The following MRPS27 variants were observed in gnomAD, a reference collection of about 807,000 sequenced individuals.
MRPS27 encodes small ribosomal subunit protein mS27.
In MRPS27, 43 loss-of-function variants were observed where a neutral mutation model predicts 48.9. The ratio of observed to expected loss-of-function variants is 0.88; its 90% CI spans 0.69 to 1.13. The LOEUF (loss-of-function observed/expected upper bound fraction) is 1.13. MRPS27 is among the 50% of genes most tolerant of loss of function. MRPS27 has a pLI of 0.00. For missense variants in MRPS27, 467 were observed against 476.3 expected, an observed-to-expected ratio of 0.98 and a Z score of 0.18; for synonymous variants, 188 against 171.9, an observed-to-expected ratio of 1.09 and a Z score of -0.73.
At chr5:72,228,178 T>C in intron 8 of MRPS27, 88 bp downstream of exon 8, 1 of 1,199,736 alleles carries the variant, frequency 8.3e-7, no homozygotes, top group Non-Finnish European at 1.2e-6. Flanking sequence ...CTGGTAAATT[T>C]AAATCAAATT....
chr5:72,304,853 T>G (rs1580115228), intron 2 of MRPS27, among the ~76,000 whole-genome samples: 1 of 152,222 alleles, frequency 6.6e-6, no homozygotes, highest in African/African-American at 2.4e-5. Context: ...TGTTAACCTT[T>G]CAGGCAACAC....
chr5:72,255,029 CTTTTTTT>C (rs70999273), intron 4 of MRPS27, among the ~76,000 whole-genome samples: 18 of 72,096 alleles, frequency 2.5e-4, no homozygotes, highest in South Asian at 2.1e-3. Context: ...CATTTCTTTT[CTTTTTTT>C]TTTTTTTTTT....
intron 4 of MRPS27, among the ~76,000 whole-genome samples, chr5:72,282,460 T>C (rs1321612938): frequency 2.6e-5 from 4 of 152,182 alleles, no homozygotes; most frequent in African/African-American, 9.6e-5. Flanking sequence ...CATTGCCCTG[T>C]AGCTATAATT....
intron 4 of MRPS27, among the ~76,000 whole-genome samples, chr5:72,269,192 T>A (rs1409133032): frequency 6.6e-6 from 1 of 152,162 alleles, no homozygotes; most frequent in Non-Finnish European, 1.5e-5. Context: ...CTGTAGCCAC[T>A]GTGTACTAAG....
chr5:72,278,723 C>T (rs374061437), intron 4 of MRPS27, among the ~76,000 whole-genome samples: 211 of 152,034 alleles, frequency 1.4e-3, no homozygotes, highest in African/African-American at 4.8e-3. Flanking sequence ...ATTATATGTA[C>T]GATATTTCAC....
intron 7 of MRPS27, among the ~76,000 whole-genome samples, chr5:72,231,573 G>A (rs1317817508): frequency 1.3e-5 from 2 of 152,162 alleles, no homozygotes; most frequent in African/African-American, 4.8e-5. Context: ...TATGGAATTT[G>A]TATGTGTTCA....
Position 72,281,674 on chromosome 5 carries a change from C to G in MRPS27, c.281+13857G>C, listed in dbSNP as rs1749536980. Among the ~76,000 whole-genome samples the G allele has an allele frequency of 2.0e-5, 3 of 152,174 alleles. No individual in the cohort carries two copies. The South Asian group carries it at 6.2e-4, about 32-fold the overall frequency. On this transcript the variant is annotated intron_variant, in intron 4 of 10. Transcript: ENST00000261413. ...GAAAGTAGAAGGCACATTCAGAGAACAGTAGTCCATTCCAACTGGAGTCTG... is the reference window on the plus strand; with the variant it reads ...GAAAGTAGAAGGCACATTCAGAGAAGAGTAGTCCATTCCAACTGGAGTCTG...
At chr5:72,249,852 C>G (rs566660027) in intron 4 of MRPS27, among the ~76,000 whole-genome samples, 94 of 151,958 alleles carry the variant, frequency 6.2e-4, no homozygotes, top group African/African-American at 2.1e-3. Context: ...AGTGTGGTGG[C>G]AGCTGCCTGT....
At chr5:72,264,948 G>A (rs188511226) in intron 4 of MRPS27, among the ~76,000 whole-genome samples, 238 of 152,226 alleles carry the variant, frequency 1.6e-3, no homozygotes, top group African/African-American at 4.2e-3. Flanking sequence ...AAGTATGAGC[G>A]GTATGTGGAG....
rs774284150 is a variant in MRPS27, at chr5:72,295,547, C to G, written c.265G>C (p.Glu89Gln). Residue 89 changes from glutamate to glutamine, a missense_variant, in exon 4 of 11, where the codon GAG (glutamate) becomes CAG (glutamine). Glu to Gln is a conservative substitution (Grantham distance 29). Coordinates refer to ENST00000261413, the MANE Select transcript of MRPS27 (RefSeq NM_015084.3). ...AAAACTTACTTGTAAAGGTAATACT[C>G]TGCATGATCTATCTCTTCCCGAGAG... ...ISSREEIDHA[E>Q]YYLYKFRHSP... 16 of 1,610,700 alleles carry G rather than the reference C, an allele frequency of 9.9e-6. No individual in the cohort carries two copies. Among genetic ancestry groups the G allele is most frequent in the Non-Finnish European group, 1.4e-5 (16 of 1,177,188 alleles).
At chr5:72,251,671 T>C (rs1362858273) in intron 4 of MRPS27, among the ~76,000 whole-genome samples, 1 of 152,198 alleles carries the variant, frequency 6.6e-6, no homozygotes, top group African/African-American at 2.4e-5. Flanking sequence ...TGGATGCCTA[T>C]GGAGGATAAA....
chr5:72,255,398 G>A (rs184257012), intron 4 of MRPS27, among the ~76,000 whole-genome samples: 20 of 152,110 alleles, frequency 1.3e-4, no homozygotes, highest in Admixed American at 1.2e-3. Flanking sequence ...ATACATCTGA[G>A]ATAAGAATAG....
intron 4 of MRPS27, among the ~76,000 whole-genome samples, chr5:72,277,736 C>T (rs754613984): frequency 9.9e-5 from 15 of 152,146 alleles, no homozygotes; most frequent in African/African-American, 2.4e-4. Flanking sequence ...TGGTACAATA[C>T]GCCATGGAGT....
intron 2 of MRPS27, among the ~76,000 whole-genome samples, chr5:72,298,873 C>A (rs1750056291): frequency 6.6e-6 from 1 of 152,114 alleles, no homozygotes; most frequent in Non-Finnish European, 1.5e-5. Flanking sequence ...TGGAATCAAC[C>A]TAACAATGGT....
At chr5:72,254,322 C>T (rs555368003) in intron 4 of MRPS27, among the ~76,000 whole-genome samples, 1 of 152,214 alleles carries the variant, frequency 6.6e-6, no homozygotes, top group East Asian at 1.9e-4. Context: ...AACTAGGGAG[C>T]ATACATCATG....
chr5:72,270,750 A>C (rs916134966), intron 4 of MRPS27, among the ~76,000 whole-genome samples: 1 of 152,216 alleles, frequency 6.6e-6, no homozygotes, highest in African/African-American at 2.4e-5. Flanking sequence ...GTGTTACTGA[A>C]AACTTAAAAA....
intron 10 of MRPS27, 127 bp downstream of exon 10, chr5:72,223,556 A>T (rs900703551): frequency 1.0e-5 from 12 of 1,167,852 alleles, no homozygotes; most frequent in African/African-American, 3.1e-5. Context: ...ATAAAAATGT[A>T]ATTTTTGATG....
rs778503131 is a variant in MRPS27, at chr5:72,220,889, T to C, written c.*20A>G. 6.2e-7 allele frequency: 1 copy of C among 1,613,428 alleles called. No homozygotes were observed. Among genetic ancestry groups the C allele is most frequent in the Non-Finnish European group, 8.5e-7 (1 of 1,179,656 alleles). On this transcript the variant is annotated 3_prime_UTR_variant, in exon 11 of 11. Transcript: ENST00000261413. ...TTGAGTGAAGTTCTTGTGAGACAGG[T>C]GGGGCCCTGGGGGACCCTATTAGGC... is the stretch of plus-strand genomic sequence containing the variant.
intron 4 of MRPS27, among the ~76,000 whole-genome samples, chr5:72,290,073 G>T (rs1479694591): frequency 6.6e-6 from 1 of 152,090 alleles, no homozygotes; most frequent in Admixed American, 6.5e-5. Flanking sequence ...GAAAATAATG[G>T]TTTTTGCCAA....
Sources: gnomAD v4.1 joint callset for allele counts (sites outside exome capture counted in the v4.1 genomes callset) on GRCh38, gnomAD v4.1.1 for gene constraint, MANE v1.5 for transcripts, NCBI Gene and HGNC (gene_info 2026-07-23, HGNC 2026-07-21) for gene names.